The following KCNMB2 variants were observed in gnomAD, a reference collection of about 807,000 sequenced individuals.
The protein encoded by KCNMB2 is calcium-activated potassium channel subunit beta-2.
Under a neutral mutation model 24.5 loss-of-function variants are expected in KCNMB2, and 9 were observed. The ratio of observed to expected loss-of-function variants is 0.37; its 90% CI spans 0.22 to 0.64. The LOEUF (loss-of-function observed/expected upper bound fraction) is 0.64, where lower values mean the gene tolerates loss of function less well. Ranked by LOEUF, KCNMB2 falls within the 30% of genes least tolerant of loss-of-function variation. The pLI is 0.63. For synonymous variants in KCNMB2, 109 were observed against 104.4 expected, an observed-to-expected ratio of 1.04 and a Z score of -0.27; for missense variants, 226 against 284.3, an observed-to-expected ratio of 0.79 and a Z score of 1.47.
intron 1 of KCNMB2, among the ~76,000 whole-genome samples, chr3:178,705,549 G>T (rs908554991): frequency 6.6e-6 from 1 of 152,054 alleles, no homozygotes; most frequent in African/African-American, 2.4e-5. Flanking sequence ...CAGAAATGTT[G>T]TTCAAATTAG....
intron 1 of KCNMB2, among the ~76,000 whole-genome samples, chr3:178,776,422 T>C (rs1489053741): frequency 1.3e-5 from 2 of 152,208 alleles, no homozygotes; most frequent in African/African-American, 4.8e-5. Flanking sequence ...TCCAATTCCC[T>C]GCTCATAGTT....
At chr3:178,652,828 A>AT (rs80215555) in intron 1 of KCNMB2, among the ~76,000 whole-genome samples, 2 of 151,270 alleles carry the variant, frequency 1.3e-5, no homozygotes, top group African/African-American at 4.9e-5. Context: ...ACGCCTGGCC[A>AT]TTTTTTTTGT....
chr3:178,567,462 C>T (rs1716567818), intron 1 of KCNMB2, among the ~76,000 whole-genome samples: 1 of 151,890 alleles, frequency 6.6e-6, no homozygotes, highest in African/African-American at 2.4e-5. Flanking sequence ...TCATTATTGC[C>T]TCTGTATGGC....
chr3:178,677,319 A>G lies in KCNMB2; in HGVS notation c.-67-130024A>G, dbSNP rs138424153. Reference sequence around the variant, plus strand: ...AAACACCAGACACCATAAGGAGGGTATGTACATGGAGGACAATTTTAGACT... The same window carrying G: ...AAACACCAGACACCATAAGGAGGGTGTGTACATGGAGGACAATTTTAGACT... On this transcript the variant is annotated intron_variant, in intron 1 of 4. Coordinates refer to ENST00000452583, the MANE Select transcript of KCNMB2 (RefSeq NM_181361.3). Among the ~76,000 whole-genome samples, 749 of 152,288 alleles carry G rather than the reference A, an allele frequency of 4.9e-3. 4 individuals carry two copies. The highest frequency in any genetic ancestry group is 0.017 in the African/African-American group (705 of 41,564).
intron 1 of KCNMB2, among the ~76,000 whole-genome samples, chr3:178,599,715 T>C (rs1718010247): frequency 6.6e-6 from 1 of 152,150 alleles, no homozygotes. Flanking sequence ...CAAAACCTTT[T>C]CCTCTTACAA....
intron 1 of KCNMB2, among the ~76,000 whole-genome samples, chr3:178,771,140 C>T (rs562919475): frequency 2.0e-5 from 3 of 152,296 alleles, no homozygotes; most frequent in East Asian, 3.9e-4. Context: ...TTTGCTCACA[C>T]ACTCTACAAT....
chr3:178,712,229 C>T (rs1341026044), intron 1 of KCNMB2, among the ~76,000 whole-genome samples: 1 of 152,132 alleles, frequency 6.6e-6, no homozygotes, highest in Non-Finnish European at 1.5e-5. Flanking sequence ...GGGGCCTAAC[C>T]ACCTACGTGC....
intron 1 of KCNMB2, among the ~76,000 whole-genome samples, chr3:178,751,904 G>C (rs377166248): frequency 7.9e-5 from 12 of 152,198 alleles, no homozygotes; most frequent in Middle Eastern, 3.4e-3. Flanking sequence ...TAGCCCTCAC[G>C]GCAATCATTG....
chr3:178,549,942 A>G (rs1577003741), intron 1 of KCNMB2, among the ~76,000 whole-genome samples: 1 of 151,958 alleles, frequency 6.6e-6, no homozygotes, highest in African/African-American at 2.4e-5. Context: ...TTTTCTCTTC[A>G]GCTATCTTTC....
chr3:178,820,654 A>G (rs1714588179), intron 2 of KCNMB2: 1 of 152,682 alleles, frequency 6.5e-6, no homozygotes, highest in Non-Finnish European at 1.5e-5. Flanking sequence ...CTGACCCCCA[A>G]TATCAAACTT....
At chr3:178,592,075 C>T (rs968968994) in intron 1 of KCNMB2, among the ~76,000 whole-genome samples, 12 of 151,988 alleles carry the variant, frequency 7.9e-5, no homozygotes, top group African/African-American at 2.9e-4. Flanking sequence ...TATGGGAGGG[C>T]AAAAGAGTAC....
intron 1 of KCNMB2, among the ~76,000 whole-genome samples, chr3:178,722,154 A>G (rs1722827575): frequency 1.3e-5 from 2 of 152,104 alleles, no homozygotes; most frequent in African/African-American, 2.4e-5. Context: ...CTAAAAGTTT[A>G]GAGTTTGATG....
chr3:178,782,537 G>A (rs1577183901), intron 1 of KCNMB2, among the ~76,000 whole-genome samples: 2 of 148,490 alleles, frequency 1.3e-5, no homozygotes, highest in East Asian at 4.0e-4. Context: ...TTCTCTGATG[G>A]CCAGTGATGA....
chr3:178,708,572 T>C (rs899063217), intron 1 of KCNMB2, among the ~76,000 whole-genome samples: 20 of 152,112 alleles, frequency 1.3e-4, no homozygotes, highest in African/African-American at 4.8e-4. Flanking sequence ...CATACCATAG[T>C]GTGGCCTTAG....
intron 1 of KCNMB2, among the ~76,000 whole-genome samples, chr3:178,765,143 G>A (rs1369942004): frequency 5.3e-5 from 8 of 152,204 alleles, no homozygotes; most frequent in Middle Eastern, 3.2e-3. Context: ...AGGTAATGGT[G>A]CTGTGTCTTC....
At chr3:178,616,639 C>T (rs1223411279) in intron 1 of KCNMB2, among the ~76,000 whole-genome samples, 2 of 152,158 alleles carry the variant, frequency 1.3e-5, no homozygotes, top group Non-Finnish European at 2.9e-5. Context: ...TATGAGTGCT[C>T]ACCTGACTTT....
At chr3:178,556,752 G>A (rs149233935) in intron 1 of KCNMB2, among the ~76,000 whole-genome samples, 6 of 152,290 alleles carry the variant, frequency 3.9e-5, no homozygotes, top group African/African-American at 1.2e-4. Context: ...AGGAAACCAG[G>A]AGAATGCAGA....
At chr3:178,719,077 G>A (rs369169919) in intron 1 of KCNMB2, among the ~76,000 whole-genome samples, 22 of 152,300 alleles carry the variant, frequency 1.4e-4, no homozygotes, top group East Asian at 1.2e-3. Context: ...CATCAGTCTG[G>A]ATCTATTATC....
At chr3:178,831,149 A>G (rs1331480879) in intron 4 of KCNMB2, among the ~76,000 whole-genome samples, 1 of 152,060 alleles carries the variant, frequency 6.6e-6, no homozygotes, top group Non-Finnish European at 1.5e-5. Flanking sequence ...GCTCCAGTCC[A>G]TTTTTGAAGA....
Sources: allele counts gnomAD v4.1 joint callset (sites outside exome capture counted in the v4.1 genomes callset), GRCh38; gene constraint gnomAD v4.1.1; transcripts MANE v1.5; gene names NCBI Gene and HGNC (gene_info 2026-07-23, HGNC 2026-07-21).